Variants in SBF2 observed in about 807,000 individuals in gnomAD.
SBF2 encodes the protein myotubularin-related protein 13.
A neutral mutation model predicts 225.2 loss-of-function variants in SBF2; 112 were observed. The observed-to-expected ratio is 0.50, with a 90% CI of 0.43 to 0.58. The LOEUF (loss-of-function observed/expected upper bound fraction) is 0.58, where lower values mean the gene tolerates loss of function less well. SBF2 is among the 20% of genes least tolerant of loss of function. The pLI, the probability that SBF2 is intolerant of heterozygous loss-of-function variation, is 0.00. For missense variants in SBF2, 1,996 were observed against 2,206.2 expected (o/e 0.90, Z 1.91); for synonymous variants, 763 against 773.3 (o/e 0.99, Z 0.22).
chr11:9,892,760 T>C (rs1860940755), intron 17 of SBF2, among the ~76,000 whole-genome samples: 1 of 152,104 alleles, frequency 6.6e-6, no homozygotes, highest in African/African-American at 2.4e-5. Context: ...GGATTCTCCA[T>C]GTTGGTCAGG....
At chr11:10,089,088 A>G (rs891196717) in intron 2 of SBF2, among the ~76,000 whole-genome samples, 3 of 152,174 alleles carry the variant, frequency 2.0e-5, no homozygotes, top group Non-Finnish European at 4.4e-5. Flanking sequence ...GTACAAGTGC[A>G]GTTTTGATAC....
chr11:9,910,418 T>C (rs748708841), intron 16 of SBF2, among the ~76,000 whole-genome samples: 3 of 152,212 alleles, frequency 2.0e-5, no homozygotes, highest in Non-Finnish European at 4.4e-5. Flanking sequence ...CTGGCTTATG[T>C]ATTTACTACA....
chr11:9,908,731 T>G (rs1222541087), intron 16 of SBF2, among the ~76,000 whole-genome samples: 1 of 152,058 alleles, frequency 6.6e-6, no homozygotes, highest in Non-Finnish European at 1.5e-5. Context: ...AGGGTCTCAC[T>G]CTGTCCCCCA....
At chr11:10,175,185 C>G (rs1360723990) in intron 2 of SBF2, among the ~76,000 whole-genome samples, 1 of 150,814 alleles carries the variant, frequency 6.6e-6, no homozygotes, top group Non-Finnish European at 1.5e-5. Flanking sequence ...TGTAAATGGA[C>G]TAAATGCTCC....
intron 2 of SBF2, among the ~76,000 whole-genome samples, chr11:10,179,358 AAAAC>A (rs1368524787): frequency 1.8e-4 from 27 of 150,964 alleles, no homozygotes; most frequent in African/African-American, 5.3e-4. Context: ...AATAAATTAA[AAAAC>A]AAACAAAAAA....
At chr11:9,972,384 T>A (rs1946504381) in intron 13 of SBF2, among the ~76,000 whole-genome samples, 1 of 152,178 alleles carries the variant, frequency 6.6e-6, no homozygotes, top group South Asian at 2.1e-4. Flanking sequence ...GTACCATGCT[T>A]CTATAACTAA....
rs548212089 is a variant in SBF2, at chr11:10,248,773, G to A, written c.55+45242C>T. On this transcript the variant is annotated intron_variant, in intron 1 of 39. Coordinates refer to ENST00000256190, the MANE Select transcript of SBF2 (RefSeq NM_030962.4). ...AAAAATCTAAAGGTTTAAACAACTT[G>A]TGGAAATTCTGTAAAAATTAACCCT... 3.8e-3 allele frequency among the ~76,000 whole-genome samples: 581 copies of A among 152,314 alleles called. 4 individuals are homozygous for A. The highest frequency in any genetic ancestry group is 5.4e-3 in the South Asian group (26 of 4,826).
At chr11:9,997,108 C>T (rs552212455) in intron 9 of SBF2, among the ~76,000 whole-genome samples, 1 of 152,176 alleles carries the variant, frequency 6.6e-6, no homozygotes. Context: ...AAGACTAACA[C>T]AAATTTGAAA....
intron 3 of SBF2, among the ~76,000 whole-genome samples, chr11:10,035,715 T>C (rs1342499718): frequency 1.3e-5 from 2 of 152,172 alleles, no homozygotes; most frequent in Non-Finnish European, 2.9e-5. Context: ...CACAATGAGA[T>C]ACCATCTCAC....
chr11:9,869,222 A>C (rs903194126), intron 17 of SBF2, among the ~76,000 whole-genome samples: 1 of 152,192 alleles, frequency 6.6e-6, no homozygotes, highest in South Asian at 2.1e-4. Flanking sequence ...TCAACCCATA[A>C]ATTTTAAAAC....
At chr11:10,038,123 G>T (rs1290069213) in intron 3 of SBF2, among the ~76,000 whole-genome samples, 1 of 151,824 alleles carries the variant, frequency 6.6e-6, no homozygotes, top group Non-Finnish European at 1.5e-5. Context: ...TTTTACCCTT[G>T]ACACTTAATT....
chr11:9,914,710 T>C (rs1564995213), intron 16 of SBF2, among the ~76,000 whole-genome samples: 1 of 151,988 alleles, frequency 6.6e-6, no homozygotes. Context: ...AAATCAAAAT[T>C]TTCTGTTCTG....
chr11:10,122,008 C>G (rs1187202907), intron 2 of SBF2, among the ~76,000 whole-genome samples: 2 of 151,964 alleles, frequency 1.3e-5, no homozygotes, highest in African/African-American at 4.8e-5. Flanking sequence ...TAGTAATGTC[C>G]CCAAAGTACA....
intron 1 of SBF2, among the ~76,000 whole-genome samples, chr11:10,291,657 AACACACACAC>A (rs10580039): frequency 0.01 from 1,488 of 145,992 alleles, 16 homozygotes; most frequent in East Asian, 0.025. Context: ...TAATCCACTA[AACACACACAC>A]ACACACACAC....
At chr11:10,096,557 T>C (rs1019627290) in intron 2 of SBF2, among the ~76,000 whole-genome samples, 1 of 151,988 alleles carries the variant, frequency 6.6e-6, no homozygotes, top group East Asian at 1.9e-4. Context: ...ATTGTTATCA[T>C]AACAATACTT....
chr11:10,185,441 G>A (rs1335335601), intron 2 of SBF2, among the ~76,000 whole-genome samples: 1 of 151,820 alleles, frequency 6.6e-6, no homozygotes, highest in Non-Finnish European at 1.5e-5. Context: ...TTATTTTCTG[G>A]GATTTTTGTT....
intron 1 of SBF2, among the ~76,000 whole-genome samples, chr11:10,254,441 A>G (rs1960667810): frequency 6.6e-6 from 1 of 151,996 alleles, no homozygotes; most frequent in Admixed American, 6.5e-5. Context: ...CTAGGTATAT[A>G]TCCAAAGAAA....
intron 17 of SBF2, among the ~76,000 whole-genome samples, chr11:9,859,965 A>G (rs974109903): frequency 1.3e-5 from 2 of 152,210 alleles, no homozygotes; most frequent in African/African-American, 4.8e-5. Flanking sequence ...GTGGCTATGA[A>G]GCAAAAATCA....
In SBF2 at chr11:10,287,136, G is replaced by A. The variant is rs148775216; in HGVS notation, c.55+6879C>T. On this transcript the variant is annotated intron_variant, in intron 1 of 39. Transcript: ENST00000256190. ...TGAAAAAAGTTAGACACAAAAAACTGTATACTATTTATATGACATTCTAGA... is the reference window on the plus strand; with the variant it reads ...TGAAAAAAGTTAGACACAAAAAACTATATACTATTTATATGACATTCTAGA... Among the ~76,000 whole-genome samples, 43 of 152,256 alleles carry A rather than the reference G, an allele frequency of 2.8e-4. No individual in the cohort carries two copies. The East Asian group carries it at 7.9e-3, about 28-fold the overall frequency.
Sources: gnomAD v4.1 joint callset for allele counts (sites outside exome capture counted in the v4.1 genomes callset) on GRCh38, gnomAD v4.1.1 for gene constraint, MANE v1.5 for transcripts, NCBI Gene and HGNC (gene_info 2026-07-23, HGNC 2026-07-21) for gene names.